Variants in FRMD4B observed in about 807,000 individuals in gnomAD.
FRMD4B encodes the protein FERM domain containing 4B, also known as FERM domain-containing protein 4B.
FRMD4B carries 74 observed loss-of-function variants against 141.5 expected under a neutral mutation model. That is an observed-to-expected ratio of 0.52 (90% CI 0.43 to 0.63). The LOEUF (loss-of-function observed/expected upper bound fraction) is 0.63. Among genes scored for constraint, FRMD4B ranks in the 30% least tolerant of loss-of-function variants. The pLI, the probability that FRMD4B is intolerant of heterozygous loss-of-function variation, is 0.00. For synonymous variants in FRMD4B, 506 were observed against 467.9 expected, an observed-to-expected ratio of 1.08 and a Z score of -1.05; for missense variants, 1,366 against 1,253.4, an observed-to-expected ratio of 1.09 and a Z score of -1.36.
At chr3:69,455,513 C>T (rs898056687) in intron 1 of FRMD4B, among the ~76,000 whole-genome samples, 18 of 152,192 alleles carry the variant, frequency 1.2e-4, no homozygotes, top group African/African-American at 2.7e-4. Context: ...AGCTTCCCTT[C>T]TGAAGCCAGC....
chr3:69,274,318 G>A (rs1367311297), intron 5 of FRMD4B, among the ~76,000 whole-genome samples: 2 of 152,068 alleles, frequency 1.3e-5, no homozygotes, highest in Non-Finnish European at 2.9e-5. Context: ...TAAAGTTGAT[G>A]AAACAAAGGC....
At chr3:69,488,044 GAAAGAAAGAAAGAACA>G (rs1470904196) in intron 1 of FRMD4B, among the ~76,000 whole-genome samples, 3 of 140,944 alleles carry the variant, frequency 2.1e-5, no homozygotes, top group African/African-American at 7.9e-5. Flanking sequence ...AAAAGAAAGA[GAAAGAAAGAAAGAACA>G]AAAGAAAGAA....
intron 1 of FRMD4B, among the ~76,000 whole-genome samples, chr3:69,479,333 A>C (rs1256759409): frequency 1.3e-5 from 2 of 151,994 alleles, no homozygotes; most frequent in African/African-American, 2.4e-5. Flanking sequence ...ATGATTTTGC[A>C]GTGGCTGGTA....
chr3:69,298,053 A>G (rs1419772429), intron 4 of FRMD4B, among the ~76,000 whole-genome samples: 1 of 152,134 alleles, frequency 6.6e-6, no homozygotes, highest in Non-Finnish European at 1.5e-5. Flanking sequence ...GGGGATATAA[A>G]CCAGATATTT....
At chr3:69,307,978 G>A (rs544798317) in intron 3 of FRMD4B, among the ~76,000 whole-genome samples, 15 of 152,032 alleles carry the variant, frequency 9.9e-5, no homozygotes, top group African/African-American at 1.4e-4. Flanking sequence ...TCATGCATTT[G>A]CCCACAAAAT....
intron 7 of FRMD4B, among the ~76,000 whole-genome samples, chr3:69,231,869 C>T (rs1017502848): frequency 6.6e-5 from 10 of 152,150 alleles, no homozygotes; most frequent in Admixed American, 1.3e-4. Flanking sequence ...TAGGATCAAA[C>T]GGGATTTCAC....
chr3:69,340,119 C>G (rs1048888750), intron 1 of FRMD4B, among the ~76,000 whole-genome samples: 1 of 152,030 alleles, frequency 6.6e-6, no homozygotes, highest in Non-Finnish European at 1.5e-5. Flanking sequence ...TAACCCAACT[C>G]ATCTCTAAAA....
At chr3:69,290,813 G>A (rs577665702) in intron 4 of FRMD4B, among the ~76,000 whole-genome samples, 24 of 152,186 alleles carry the variant, frequency 1.6e-4, no homozygotes, top group African/African-American at 5.3e-4. Flanking sequence ...TACCTGGTGG[G>A]GCTAGGTCTT....
At chr3:69,180,032 A>G (rs1409282505) in intron 21 of FRMD4B, among the ~76,000 whole-genome samples, 2 of 152,188 alleles carry the variant, frequency 1.3e-5, no homozygotes, top group African/African-American at 2.4e-5. Context: ...TAAAGGAAAC[A>G]TCTCTAATCA....
At chr3:69,390,819 G>T (rs1704363959), upstream of FRMD4B, among the ~76,000 whole-genome samples, 3 of 152,132 alleles carry the variant, frequency 2.0e-5, no homozygotes, top group South Asian at 6.2e-4. Flanking sequence ...CTTGAACCTG[G>T]AAGGTGGAGG....
chr3:69,494,618 G>A (rs1479012090), intron 1 of FRMD4B, among the ~76,000 whole-genome samples: 1 of 152,180 alleles, frequency 6.6e-6, no homozygotes, highest in Non-Finnish European at 1.5e-5. Flanking sequence ...TCAGCTGGGT[G>A]CGGTGGCTCA....
intron 1 of FRMD4B, among the ~76,000 whole-genome samples, chr3:69,318,931 G>A (rs536489108): frequency 6.6e-6 from 1 of 152,272 alleles, no homozygotes; most frequent in Admixed American, 6.5e-5. Flanking sequence ...CCAAATGTAT[G>A]TATGACCTGC....
chr3:69,432,174 T>C (rs1200784947), intron 2 of FRMD4B, among the ~76,000 whole-genome samples: 1 of 152,252 alleles, frequency 6.6e-6, no homozygotes, highest in East Asian at 1.9e-4. Flanking sequence ...ATGAAAATCA[T>C]TGCACTTATA....
At chr3:69,322,758 G>A (rs1436485483) in intron 1 of FRMD4B, among the ~76,000 whole-genome samples, 2 of 152,000 alleles carry the variant, frequency 1.3e-5, no homozygotes, top group Non-Finnish European at 2.9e-5. Flanking sequence ...CACCACACCT[G>A]GCTAACTTTT....
At chr3:69,227,696 A>G (rs1412349711) in intron 7 of FRMD4B, among the ~76,000 whole-genome samples, 2 of 151,918 alleles carry the variant, frequency 1.3e-5, no homozygotes, top group African/African-American at 2.4e-5. Context: ...AGAAAGAAAG[A>G]AAGAAAAAAG....
At chr3:69,493,092 A>C (rs1466644043) in intron 1 of FRMD4B, among the ~76,000 whole-genome samples, 1 of 152,240 alleles carries the variant, frequency 6.6e-6, no homozygotes. Flanking sequence ...GCAGCCAACA[A>C]TGCACATTCC....
At chr3:69,334,012 A>G (rs1228994525) in intron 1 of FRMD4B, 2 of 152,234 alleles carry the variant, frequency 1.3e-5, no homozygotes, top group Non-Finnish European at 2.9e-5. Context: ...AATCTCTTGC[A>G]TCCATCTCTA....
At chr3:69,250,724 T>G (rs1424585091) in intron 5 of FRMD4B, among the ~76,000 whole-genome samples, 3 of 148,490 alleles carry the variant, frequency 2.0e-5, no homozygotes, top group Non-Finnish European at 4.4e-5. Flanking sequence ...TTATCAGTTT[T>G]CCTTTTTTTT....
rs78632619 is a variant in FRMD4B at position 69,297,739 on chromosome 3, T to C, written c.416+4604A>G. Among the ~76,000 whole-genome samples the C allele has an allele frequency of 5.5e-4, 83 of 152,272 alleles. 1 individual carries two copies. The East Asian group carries it at 0.016, about 29-fold the overall frequency. ...GCTCATATGTTTGTGGAATATAATT[T>C]ATGGCAGCCAGATAACAACCCCCAG... On this transcript the variant is annotated intron_variant, in intron 4 of 22. Transcript: ENST00000398540.
Sources: allele counts gnomAD v4.1 joint callset (sites outside exome capture counted in the v4.1 genomes callset), GRCh38; gene constraint gnomAD v4.1.1; transcripts MANE v1.5; gene names NCBI Gene and HGNC (gene_info 2026-07-23, HGNC 2026-07-21).